Variants in TMCO5A observed in about 807,000 individuals in gnomAD.
TMCO5A encodes transmembrane and coiled-coil domains 5A.
A neutral mutation model predicts 42.3 loss-of-function variants in TMCO5A; 34 were observed. That is an observed-to-expected ratio of 0.80 (90% CI 0.61 to 1.07). TMCO5A has a LOEUF of 1.07. Among genes scored for constraint, TMCO5A ranks in the 50% least tolerant of loss-of-function variants. The pLI, the probability that TMCO5A is intolerant of heterozygous loss-of-function variation, is 0.00. For missense variants in TMCO5A, 357 were observed against 327.9 expected (o/e 1.09, Z -0.69); for synonymous variants, 131 against 115.6 (o/e 1.13, Z -0.86).
intron 11 of TMCO5A, among the ~76,000 whole-genome samples, chr15:37,959,778 T>C (rs138395453): frequency 5.3e-5 from 8 of 151,998 alleles, no homozygotes; most frequent in Admixed American, 5.3e-4. Context: ...ATCTGGAACA[T>C]GTCCACTTTC....
the TMCO5A span, among the ~76,000 whole-genome samples, chr15:37,988,638 G>C: frequency 6.6e-6 from 1 of 151,898 alleles, no homozygotes; most frequent in Non-Finnish European, 1.5e-5. Flanking sequence ...TGTTAATGTG[G>C]TGTATTACAT....
intron 11 of TMCO5A, among the ~76,000 whole-genome samples, chr15:37,959,198 T>G (rs1350630701): frequency 6.6e-6 from 1 of 152,024 alleles, no homozygotes; most frequent in East Asian, 1.9e-4. Flanking sequence ...CAAACCACCA[T>G]GGCACGTGTA....
chr15:37,975,181 T>C, the TMCO5A span, among the ~76,000 whole-genome samples: 1 of 152,164 alleles, frequency 6.6e-6, no homozygotes, highest in Middle Eastern at 3.4e-3. Flanking sequence ...TTTTGGTGTA[T>C]GTGCCCATGC....
the TMCO5A span, among the ~76,000 whole-genome samples, chr15:37,979,608 G>A: frequency 6.6e-6 from 1 of 152,304 alleles, no homozygotes; most frequent in East Asian, 1.9e-4. Flanking sequence ...GCCCAATAAG[G>A]AGTAGTAGGG....
chr15:37,947,226 T>C (rs1889996619), intron 10 of TMCO5A, among the ~76,000 whole-genome samples: 2 of 152,100 alleles, frequency 1.3e-5, no homozygotes, highest in Non-Finnish European at 1.5e-5. Flanking sequence ...CATCTTTAGA[T>C]TTTTTATAGC....
the TMCO5A span, among the ~76,000 whole-genome samples, chr15:38,014,853 T>TCATATATA: frequency 3.7e-5 from 2 of 54,662 alleles, no homozygotes; most frequent in Non-Finnish European, 6.6e-5. Context: ...AGGAGAAAGA[T>TCATATATA]TATATATATA....
the TMCO5A span, among the ~76,000 whole-genome samples, chr15:37,992,667 TA>T: frequency 1.3e-5 from 2 of 152,138 alleles, no homozygotes; most frequent in Admixed American, 6.5e-5. Context: ...TATGCAGCCA[TA>T]AAAAAGAACT....
chr15:37,970,549 C>T (rs1230273027), downstream of TMCO5A, among the ~76,000 whole-genome samples: 1 of 152,182 alleles, frequency 6.6e-6, no homozygotes, highest in African/African-American at 2.4e-5. Flanking sequence ...CCTACAGTCC[C>T]CCAAAGTCTT....
chr15:38,035,137 T>C, the TMCO5A span, among the ~76,000 whole-genome samples: 8 of 152,328 alleles, frequency 5.3e-5, no homozygotes, highest in East Asian at 5.8e-4. Context: ...GGATGGGTCA[T>C]GGGTCTGAGC....
intron 5 of TMCO5A, among the ~76,000 whole-genome samples, 154 bp from the exon 6 acceptor site, chr15:37,938,004 G>A (rs1889585500): frequency 6.6e-6 from 1 of 152,098 alleles, no homozygotes; most frequent in South Asian, 2.1e-4. Flanking sequence ...GACAGAGGTA[G>A]AACAAAGATG....
chr15:37,938,827 C>G (rs1889625155), intron 6 of TMCO5A, among the ~76,000 whole-genome samples: 1 of 152,016 alleles, frequency 6.6e-6, no homozygotes, highest in Admixed American at 6.6e-5. Flanking sequence ...ACATCATACT[C>G]TGCTTGGCAT....
the TMCO5A span, among the ~76,000 whole-genome samples, chr15:38,017,314 A>C: frequency 6.6e-6 from 1 of 152,108 alleles, no homozygotes; most frequent in Non-Finnish European, 1.5e-5. Context: ...TTGGTTTCCT[A>C]ACGGAGTTCA....
At chr15:37,941,049 C>T (rs1413353068) in intron 6 of TMCO5A, 100 bp from the exon 7 acceptor site, 2 of 1,079,592 alleles carry the variant, frequency 1.9e-6, no homozygotes, top group East Asian at 2.4e-5. Flanking sequence ...AGTCATGGCC[C>T]TGAGGCTCCT....
the TMCO5A span, among the ~76,000 whole-genome samples, chr15:37,981,267 C>T: frequency 6.7e-6 from 1 of 149,826 alleles, no homozygotes; most frequent in Non-Finnish European, 1.5e-5. Flanking sequence ...ATAGTTTTGC[C>T]ATGTAACAGT....
the TMCO5A span, among the ~76,000 whole-genome samples, chr15:37,980,164 C>T: frequency 6.6e-6 from 1 of 152,130 alleles, no homozygotes; most frequent in Non-Finnish European, 1.5e-5. Flanking sequence ...GCACTAGGGT[C>T]CTAGGCCAGT....
At chr15:37,969,242 G>A (rs1281597092), downstream of TMCO5A, among the ~76,000 whole-genome samples, 1 of 152,074 alleles carries the variant, frequency 6.6e-6, no homozygotes, top group Non-Finnish European at 1.5e-5. Context: ...CTTTACTGAA[G>A]GACTAAAAAC....
exon 12 of TMCO5A, chr15:37,967,043 C>T: frequency 5.1e-6 from 1 of 196,816 alleles, no homozygotes; most frequent in South Asian, 1.4e-4. Flanking sequence ...AAAATTATAA[C>T]TTCTAAAGAT....
At chr15:37,946,378 A>AT (rs59756769) in intron 10 of TMCO5A, among the ~76,000 whole-genome samples, 2,493 of 151,940 alleles carry the variant, frequency 0.016, 78 homozygotes, top group African/African-American at 0.057. Context: ...TTTTAAAATC[A>AT]TTTTTTCTAA....
At chr15:37,943,461 C>A in intron 10 of TMCO5A, 63 bp downstream of exon 10, 1 of 1,546,824 alleles carries the variant, frequency 6.5e-7, no homozygotes, top group Non-Finnish European at 8.9e-7. Context: ...CCATCTCCAG[C>A]AAACTATAAG....
Sources: gnomAD v4.1 joint callset for allele counts (sites outside exome capture counted in the v4.1 genomes callset) on GRCh38, gnomAD v4.1.1 for gene constraint, MANE v1.5 for transcripts, NCBI Gene and HGNC (gene_info 2026-07-23, HGNC 2026-07-21) for gene names.